Variants in ADAMTS17 observed in about 807,000 individuals in gnomAD.
ADAMTS17 encodes the protein A disintegrin and metalloproteinase with thrombospondin motifs 17.
Under a neutral mutation model 141.5 loss-of-function variants are expected in ADAMTS17, and 113 were observed. The ratio of observed to expected loss-of-function variants is 0.80; its 90% confidence interval spans 0.69 to 0.93. The LOEUF (loss-of-function observed/expected upper bound fraction) is 0.93. Among genes scored for constraint, ADAMTS17 ranks in the 40% least tolerant of loss-of-function variants. The probability of loss-of-function intolerance (pLI) is 0.00; values close to 1 mark genes in which losing one functional copy is unlikely to be tolerated. For synonymous variants in ADAMTS17, 768 were observed against 630.6 expected (o/e 1.22, Z -3.27); for missense variants, 1,659 against 1,517.9 (o/e 1.09, Z -1.54).
chr15:100,248,179 C>T (rs569722535), intron 7 of ADAMTS17, among the ~76,000 whole-genome samples: 1 of 152,286 alleles, frequency 6.6e-6, no homozygotes, highest in East Asian at 1.9e-4. Flanking sequence ...CACCCCTCTC[C>T]CTCACTGGAC....
intron 7 of ADAMTS17, among the ~76,000 whole-genome samples, chr15:100,242,988 G>A (rs940256408): frequency 9.9e-5 from 15 of 152,192 alleles, no homozygotes; most frequent in African/African-American, 2.9e-4. Flanking sequence ...CCCCATGACC[G>A]CGTTCCTCAG....
chr15:100,313,422 T>C (rs1253128193), intron 3 of ADAMTS17, among the ~76,000 whole-genome samples: 1 of 152,238 alleles, frequency 6.6e-6, no homozygotes, highest in Non-Finnish European at 1.5e-5. Flanking sequence ...AGAAAAATTA[T>C]ATGCAAGCCT....
chr15:100,199,432 G>T lies in ADAMTS17; in HGVS notation c.1076-9C>A. On this transcript the variant is annotated splice_polypyrimidine_tract_variant and intron_variant, in intron 7 of 21. Transcript: ENST00000268070. Reference sequence around the variant, plus strand: ...TCCTAAGTAAGCAATTCCTGCAGCAGAGACACAAAACACATCCTCTTCAGA... The same window carrying T: ...TCCTAAGTAAGCAATTCCTGCAGCATAGACACAAAACACATCCTCTTCAGA... 1 of 1,612,822 alleles carries T rather than the reference G, an allele frequency of 6.2e-7. No homozygotes were observed.
chr15:100,232,163 C>T (rs568556212), intron 7 of ADAMTS17, among the ~76,000 whole-genome samples: 1 of 152,218 alleles, frequency 6.6e-6, no homozygotes, highest in Admixed American at 6.5e-5. Flanking sequence ...GATACCTGGC[C>T]AGAGGCAGCT....
At chr15:100,317,228 C>G (rs934672403) in intron 3 of ADAMTS17, among the ~76,000 whole-genome samples, 1 of 152,106 alleles carries the variant, frequency 6.6e-6, no homozygotes, top group Non-Finnish European at 1.5e-5. Context: ...ATCAACCAAA[C>G]GGCAGGGTCT....
At position 100,116,818 on chromosome 15, in the gene ADAMTS17, C is replaced by T. The variant is rs1321895214; in HGVS notation, c.1888+29G>A. ...ATTCTTAGGGGAGGACAGGAGGCTGCCATGCAAGGACATGCCATATGCCTT... is the reference window on the plus strand; with the variant it reads ...ATTCTTAGGGGAGGACAGGAGGCTGTCATGCAAGGACATGCCATATGCCTT... On this transcript the variant is annotated intron_variant, in intron 13 of 21. Transcript: ENST00000268070. The T allele has an allele frequency of 2.5e-6, 4 of 1,613,812 alleles. No individual in the cohort carries two copies. The East Asian group carries it at 8.9e-5, about 36-fold the overall frequency.
At chr15:100,111,963 G>A (rs1034595629) in intron 13 of ADAMTS17, among the ~76,000 whole-genome samples, 2 of 152,186 alleles carry the variant, frequency 1.3e-5, no homozygotes, top group African/African-American at 4.8e-5. Context: ...AACTCCTAGG[G>A]CCAAAATTAC....
At chr15:100,202,858 G>A (rs1256993427) in intron 7 of ADAMTS17, among the ~76,000 whole-genome samples, 1 of 152,212 alleles carries the variant, frequency 6.6e-6, no homozygotes, top group Non-Finnish European at 1.5e-5. Context: ...CTGACACTGT[G>A]GAACCTTCTG....
intron 3 of ADAMTS17, among the ~76,000 whole-genome samples, chr15:100,317,547 G>A (rs142240254): frequency 1.4e-3 from 206 of 152,192 alleles, no homozygotes; most frequent in South Asian, 4.8e-3. Context: ...CAGATGAGCC[G>A]GTGGGGACAC....
At chr15:100,029,821 C>T (rs1567693764) in intron 18 of ADAMTS17, among the ~76,000 whole-genome samples, 1 of 152,246 alleles carries the variant, frequency 6.6e-6, no homozygotes, top group African/African-American at 2.4e-5. Flanking sequence ...AAGGGACCTT[C>T]GTTACTATAT....
At chr15:99,981,976 G>A (rs1200152969) in intron 20 of ADAMTS17, among the ~76,000 whole-genome samples, 3 of 152,218 alleles carry the variant, frequency 2.0e-5, no homozygotes, top group African/African-American at 7.2e-5. Flanking sequence ...GGTGTCAGGC[G>A]GCAGGGGGAA....
intron 3 of ADAMTS17, among the ~76,000 whole-genome samples, chr15:100,315,002 T>C (rs975943256): frequency 9.9e-5 from 15 of 152,274 alleles, no homozygotes; most frequent in African/African-American, 3.6e-4. Context: ...GTCCTTATTG[T>C]CAAATGCCTC....
intron 15 of ADAMTS17, among the ~76,000 whole-genome samples, chr15:100,060,528 A>G (rs2033035335): frequency 6.6e-6 from 1 of 152,178 alleles, no homozygotes; most frequent in Non-Finnish European, 1.5e-5. Flanking sequence ...AGCTGGCTGG[A>G]GGCAGATGCG....
At chr15:100,021,939 C>T (rs1186290308) in intron 18 of ADAMTS17, among the ~76,000 whole-genome samples, 1 of 152,152 alleles carries the variant, frequency 6.6e-6, no homozygotes, top group Non-Finnish European at 1.5e-5. Flanking sequence ...CTCTCTTCCA[C>T]TGCTGGCTCA....
At chr15:100,175,680 C>G (rs2040313823) in intron 8 of ADAMTS17, among the ~76,000 whole-genome samples, 1 of 151,986 alleles carries the variant, frequency 6.6e-6, no homozygotes, top group African/African-American at 2.4e-5. Flanking sequence ...TCCTAGGAGA[C>G]CACCAGCTCG....
Position 100,113,743 on chromosome 15 carries a change from C to T in ADAMTS17, c.1888+3104G>A, listed in dbSNP as rs571620980. Among the ~76,000 whole-genome samples, 9 of 152,316 alleles carry T rather than the reference C, an allele frequency of 5.9e-5. No homozygotes were observed. In the East Asian group the frequency reaches 1.4e-3, roughly 23 times the overall value. ...AACAGCTTCCCTCCTTTTCATTAAG[C>T]GGCCCCAGCTGGCTTGGCGGAGCTG... On this transcript the variant is annotated intron_variant, in intron 13 of 21. Coordinates refer to ENST00000268070, the MANE Select transcript of ADAMTS17 (RefSeq NM_139057.4).
Position 100,281,838 on chromosome 15 carries a change from G to A in ADAMTS17, c.617-437C>T, listed in dbSNP as rs566609313. Among the ~76,000 whole-genome samples, 97 of 152,286 alleles carry A rather than the reference G, an allele frequency of 6.4e-4. 1 individual carries two copies. Among genetic ancestry groups the A allele is most frequent in the African/African-American group, 2.2e-3 (93 of 41,548 alleles). ...AGAGGGGACAGGACACTCCCCTGGG[G>A]GCTGGCATCCCAGTAACTCTTCTTG... On this transcript the variant is annotated intron_variant, in intron 3 of 21. Transcript: ENST00000268070.
chr15:100,222,902 G>A (rs1393154796), intron 7 of ADAMTS17, among the ~76,000 whole-genome samples: 2 of 152,314 alleles, frequency 1.3e-5, no homozygotes, highest in Non-Finnish European at 2.9e-5. Context: ...CTTTTGAATT[G>A]TGTTCTTCTA....
Position 100,182,447 on chromosome 15 carries a change from T to C in ADAMTS17, c.1181+16871A>G, listed in dbSNP as rs535566393. On this transcript the variant is annotated intron_variant, in intron 8 of 21. Coordinates refer to ENST00000268070, the MANE Select transcript of ADAMTS17 (RefSeq NM_139057.4). The stretch of plus-strand genomic sequence containing the variant: ...CATATCACACTGTGATAGGGCAGCA[T>C]TGAGTTAAATGCAAAGTCTCACACT... Among the ~76,000 whole-genome samples, 5 of 152,158 alleles carry C rather than the reference T, an allele frequency of 3.3e-5. No individual in the cohort carries two copies. In the South Asian group the frequency reaches 6.2e-4, roughly 19 times the overall value.
Sources: allele counts gnomAD v4.1 joint callset (sites outside exome capture counted in the v4.1 genomes callset), GRCh38; gene constraint gnomAD v4.1.1; transcripts MANE v1.5; gene names NCBI Gene and HGNC (gene_info 2026-07-23, HGNC 2026-07-21).